BRINP1: variants seen among roughly 807,000 people sequenced by gnomAD.
BRINP1 encodes the protein BMP/retinoic acid inducible neural specific 1, also known as BMP/retinoic acid-inducible neural-specific protein 1.
BRINP1 carries 17 observed loss-of-function variants against 72.9 expected under a neutral mutation model. The ratio of observed to expected loss-of-function variants is 0.23; its 90% CI spans 0.16 to 0.35. The LOEUF (loss-of-function observed/expected upper bound fraction) is 0.35. Ranked by LOEUF, BRINP1 falls within the 10% of genes least tolerant of loss-of-function variation. The pLI is 1.00. For missense variants in BRINP1, 850 were observed against 1,001.6 expected (o/e 0.85, Z 2.04); for synonymous variants, 418 against 378.5 (o/e 1.10, Z -1.21).
At chr9:119,328,849 G>T (rs1001818801) in intron 1 of BRINP1, among the ~76,000 whole-genome samples, 1 of 152,104 alleles carries the variant, frequency 6.6e-6, no homozygotes, top group Non-Finnish European at 1.5e-5. Flanking sequence ...TTCAAACAAG[G>T]ATGTGCCAGC....
intron 7 of BRINP1, among the ~76,000 whole-genome samples, chr9:119,207,342 A>G (rs191751429): frequency 2.6e-4 from 39 of 152,376 alleles, no homozygotes; most frequent in African/African-American, 8.7e-4. Context: ...TTATAGATTT[A>G]TTAAAGTTGG....
At position 119,285,469 on chromosome 9, in the gene BRINP1, C is replaced by T. The variant is rs144656135; in HGVS notation, c.218+27669G>A. Among the ~76,000 whole-genome samples, 206 of 152,298 alleles carry T rather than the reference C, an allele frequency of 1.4e-3. 1 individual carries two copies. The highest frequency in any genetic ancestry group is 4.6e-3 in the African/African-American group (191 of 41,554). On this transcript the variant is annotated intron_variant, in intron 2 of 7. Coordinates refer to ENST00000265922, the MANE Select transcript of BRINP1 (RefSeq NM_014618.3). ...TTCCCATTTTATAGATGAGCACGCA[C>T]TGAAGCTGAGAGCAGTTAACTGAAC...
At chr9:119,278,181 C>A (rs1039803172) in intron 2 of BRINP1, among the ~76,000 whole-genome samples, 10 of 152,156 alleles carry the variant, frequency 6.6e-5, no homozygotes, top group Non-Finnish European at 1.0e-4. Context: ...AATATTTGCA[C>A]TGGATGATCT....
At chr9:119,234,338 C>T (rs1338358837) in intron 5 of BRINP1, among the ~76,000 whole-genome samples, 1 of 152,138 alleles carries the variant, frequency 6.6e-6, no homozygotes, top group Non-Finnish European at 1.5e-5. Context: ...TAAATTGTGA[C>T]TTTAATTTAC....
At chr9:119,276,590 T>A in intron 2 of BRINP1, among the ~76,000 whole-genome samples, 1 of 152,196 alleles carries the variant, frequency 6.6e-6, no homozygotes, top group Non-Finnish European at 1.5e-5. Context: ...TCGGTGGATA[T>A]GTAACCTGCT....
intron 7 of BRINP1, among the ~76,000 whole-genome samples, chr9:119,172,129 A>G (rs1041351155): frequency 5.3e-5 from 8 of 151,364 alleles, no homozygotes; most frequent in Admixed American, 1.3e-4. Context: ...AAATAACTAA[A>G]ATCAGAGCAG....
intron 2 of BRINP1, among the ~76,000 whole-genome samples, chr9:119,271,031 TAA>T (rs1830600624): frequency 6.6e-6 from 1 of 151,944 alleles, no homozygotes; most frequent in Admixed American, 6.6e-5. Flanking sequence ...GGTTGCAAAA[TAA>T]AGAGGGAAAT....
intron 2 of BRINP1, among the ~76,000 whole-genome samples, chr9:119,283,584 G>A (rs780569602): frequency 4.6e-5 from 7 of 152,148 alleles, no homozygotes; most frequent in African/African-American, 9.7e-5. Flanking sequence ...GCTGGAGTGC[G>A]ACGGCACGAT....
intron 2 of BRINP1, among the ~76,000 whole-genome samples, chr9:119,306,669 A>C (rs928633122): frequency 6.6e-6 from 1 of 152,196 alleles, no homozygotes. Context: ...CTTACTTCCT[A>C]AGGAATACTG....
intron 2 of BRINP1, 40 bp from the exon 3 acceptor site, chr9:119,249,190 C>G: frequency 6.3e-7 from 1 of 1,581,922 alleles, no homozygotes; most frequent in South Asian, 1.1e-5. Context: ...AACTTACCAC[C>G]ATTACCCTTA....
intron 2 of BRINP1, among the ~76,000 whole-genome samples, chr9:119,270,850 T>C (rs1830598844): frequency 6.6e-6 from 1 of 152,228 alleles, no homozygotes; most frequent in Non-Finnish European, 1.5e-5. Flanking sequence ...ATAAATATGA[T>C]ATGCCTCACT....
At chr9:119,366,192 C>T (rs1264182655) in intron 1 of BRINP1, among the ~76,000 whole-genome samples, 1 of 152,068 alleles carries the variant, frequency 6.6e-6, no homozygotes, top group Non-Finnish European at 1.5e-5. Context: ...TGTATAAGCA[C>T]ACCTATGCAT....
At chr9:119,208,650 T>G in intron 7 of BRINP1, 69 bp downstream of exon 7, 1 of 1,484,576 alleles carries the variant, frequency 6.7e-7, no homozygotes, top group South Asian at 1.2e-5. Flanking sequence ...TGCATTTCAC[T>G]CTGCAGCAAG....
intron 1 of BRINP1, among the ~76,000 whole-genome samples, chr9:119,327,824 G>A (rs780617274): frequency 6.6e-6 from 1 of 152,060 alleles, no homozygotes; most frequent in Non-Finnish European, 1.5e-5. Context: ...AGTAAATGAT[G>A]ACAAGTTCCC....
At chr9:119,282,910 T>C in intron 2 of BRINP1, 1 of 985,426 alleles carries the variant, frequency 1.0e-6, no homozygotes, top group Non-Finnish European at 1.2e-6. Flanking sequence ...AAAAGCTCTA[T>C]GCCCCTGGGA....
intron 7 of BRINP1, among the ~76,000 whole-genome samples, chr9:119,193,291 CATT>C: frequency 6.6e-6 from 1 of 151,964 alleles, no homozygotes; most frequent in African/African-American, 2.4e-5. Context: ...ATCTACAAAA[CATT>C]ATTGTAAGTG....
intron 5 of BRINP1, among the ~76,000 whole-genome samples, chr9:119,227,520 G>A (rs1004709820): frequency 1.3e-5 from 2 of 151,998 alleles, no homozygotes; most frequent in East Asian, 1.9e-4. Context: ...ATGAAGACAC[G>A]AAAGGCACTG....
At position 119,214,001 on chromosome 9, in the gene BRINP1, G is replaced by C; in HGVS notation, c.840C>G (p.Ile280Met). 1 of 1,614,182 alleles carries C rather than the reference G, an allele frequency of 6.2e-7. No homozygotes were observed. Among genetic ancestry groups the C allele is most frequent in the Non-Finnish European group, 8.5e-7 (1 of 1,180,032 alleles). The change falls in exon 6 of 8, where the codon ATC becomes ATG. Residue 280 changes from isoleucine (I) to methionine (M), a missense_variant. Ile to Met is a conservative substitution (Grantham distance 10). Transcript: ENST00000265922. ...TGTACTCCATGATCTGGATGTCCGT[G>C]ATGGGGCAGTTGCACTGCGGAAACT... ...AEEFPQCNCPITDIQIMEYTL... is the reference protein window; with the variant it reads ...AEEFPQCNCPMTDIQIMEYTL...
intron 7 of BRINP1, among the ~76,000 whole-genome samples, chr9:119,177,102 G>A (rs761105371): frequency 6.6e-6 from 1 of 152,158 alleles, no homozygotes; most frequent in Admixed American, 6.5e-5. Flanking sequence ...AATGCTTGCT[G>A]AGTGAATCAA....
Sources: gnomAD v4.1 joint callset for allele counts (sites outside exome capture counted in the v4.1 genomes callset) on GRCh38, gnomAD v4.1.1 for gene constraint, MANE v1.5 for transcripts, NCBI Gene and HGNC (gene_info 2026-07-23, HGNC 2026-07-21) for gene names.